Variants in SGCZ observed in about 807,000 individuals in gnomAD.
SGCZ encodes the protein sarcoglycan zeta, also known as zeta-sarcoglycan.
SGCZ carries 40 observed loss-of-function variants against 41.3 expected under a neutral mutation model. The observed-to-expected ratio is 0.97, with a 90% CI of 0.75 to 1.26. The LOEUF is 1.26. Ranked by LOEUF, SGCZ falls within the 50% of genes most tolerant of loss-of-function variation. The pLI, the probability that SGCZ is intolerant of heterozygous loss-of-function variation, is 0.00. For synonymous variants in SGCZ, 206 were observed against 137.5 expected (o/e 1.50, Z -3.49); for missense variants, 552 against 369.8 (o/e 1.49, Z -4.04).
intron 1 of SGCZ, among the ~76,000 whole-genome samples, chr8:15,232,431 T>C (rs1395847107): frequency 2.0e-5 from 3 of 152,120 alleles, no homozygotes; most frequent in African/African-American, 4.8e-5. Flanking sequence ...GTAATGACAG[T>C]AGACCACTGA....
intron 5 of SGCZ, among the ~76,000 whole-genome samples, chr8:14,119,753 T>G (rs1008192134): frequency 1.3e-5 from 2 of 152,182 alleles, no homozygotes; most frequent in Non-Finnish European, 2.9e-5. Context: ...TCTAGTTTGT[T>G]GAGAGTTTTT....
chr8:15,120,481 A>G (rs143895016), intron 1 of SGCZ, among the ~76,000 whole-genome samples: 62 of 152,328 alleles, frequency 4.1e-4, no homozygotes, highest in African/African-American at 1.4e-3. Flanking sequence ...ATTATCAAAG[A>G]TGTTTCTTTT....
At chr8:15,209,105 T>C (rs1801161239) in intron 1 of SGCZ, among the ~76,000 whole-genome samples, 1 of 55,958 alleles carries the variant, frequency 1.8e-5, no homozygotes, top group Non-Finnish European at 4.9e-5. Flanking sequence ...ATCACAAATA[T>C]CTTAGTTTTT....
chr8:14,453,371 A>G (rs1323529643), intron 2 of SGCZ, among the ~76,000 whole-genome samples: 2 of 152,168 alleles, frequency 1.3e-5, no homozygotes, highest in Non-Finnish European at 2.9e-5. Context: ...AATATTTGCA[A>G]TTGAAATAAT....
At chr8:14,814,254 T>C (rs1243012963) in intron 1 of SGCZ, among the ~76,000 whole-genome samples, 1 of 152,186 alleles carries the variant, frequency 6.6e-6, no homozygotes, top group Non-Finnish European at 1.5e-5. Context: ...TTAGGGGACC[T>C]GACTACGCCT....
chr8:14,354,328 T>C (rs1196421733), intron 2 of SGCZ, among the ~76,000 whole-genome samples: 1 of 151,888 alleles, frequency 6.6e-6, no homozygotes, highest in South Asian at 2.1e-4. Flanking sequence ...AATCTTTATA[T>C]AAATGTAATA....
At chr8:14,573,759 G>T (rs1025731825) in intron 1 of SGCZ, among the ~76,000 whole-genome samples, 1 of 152,142 alleles carries the variant, frequency 6.6e-6, no homozygotes, top group African/African-American at 2.4e-5. Context: ...TCAACGAATA[G>T]TATAAGTAGT....
At chr8:14,985,996 C>A (rs143344756) in intron 1 of SGCZ, among the ~76,000 whole-genome samples, 7 of 151,962 alleles carry the variant, frequency 4.6e-5, no homozygotes, top group Non-Finnish European at 1.0e-4. Flanking sequence ...AGTAACCACT[C>A]GTTAAATATG....
intron 5 of SGCZ, among the ~76,000 whole-genome samples, chr8:14,124,723 C>CAAAT (rs1230085689): frequency 1.3e-5 from 2 of 152,088 alleles, no homozygotes; most frequent in East Asian, 3.9e-4. Flanking sequence ...ATTTAATATT[C>CAAAT]AAATATGCTC....
chr8:15,060,990 C>T (rs1240138470), intron 1 of SGCZ, among the ~76,000 whole-genome samples: 7 of 152,082 alleles, frequency 4.6e-5, no homozygotes, highest in South Asian at 2.1e-4. Context: ...GGGTTTCCTC[C>T]CTGCCTTCTG....
intron 1 of SGCZ, among the ~76,000 whole-genome samples, chr8:15,092,717 A>C: frequency 6.6e-6 from 1 of 152,358 alleles, no homozygotes; most frequent in Admixed American, 6.5e-5. Context: ...CATATTTTAA[A>C]TATTTCACAA....
chr8:14,619,269 A>G (rs1201773050), intron 1 of SGCZ, among the ~76,000 whole-genome samples: 1 of 152,198 alleles, frequency 6.6e-6, no homozygotes, highest in Non-Finnish European at 1.5e-5. Context: ...TCAATAAATT[A>G]GGTATTGATG....
intron 1 of SGCZ, among the ~76,000 whole-genome samples, chr8:15,051,146 T>A (rs1460172774): frequency 6.6e-6 from 1 of 152,142 alleles, no homozygotes; most frequent in South Asian, 2.1e-4. Flanking sequence ...CTGCAGAAAT[T>A]CAAAGACTTC....
chr8:14,257,184 AG>A (rs1799494961), intron 3 of SGCZ, among the ~76,000 whole-genome samples: 1 of 151,920 alleles, frequency 6.6e-6, no homozygotes, highest in Admixed American at 6.6e-5. Flanking sequence ...AAAATTAGCT[AG>A]GTGTGCTGGT....
At position 14,542,554 on chromosome 8, in the gene SGCZ, G is replaced by C. The variant is rs924119583; in HGVS notation, c.234+12178C>G. On this transcript the variant is annotated intron_variant, in intron 2 of 7. Coordinates refer to ENST00000382080, the MANE Select transcript of SGCZ (RefSeq NM_139167.4). ...GGAGATTTGTCCATCCTGTTACTTA[G>C]AGCACCGAGCTATTTATACACAGAT... Among the ~76,000 whole-genome samples the C allele has an allele frequency of 2.0e-5, 3 of 152,044 alleles. 1 individual carries two copies. Among genetic ancestry groups the C allele is most frequent in the Non-Finnish European group, 4.4e-5 (3 of 68,002 alleles).
chr8:14,495,731 T>C (rs374837707), intron 2 of SGCZ, among the ~76,000 whole-genome samples: 6 of 152,168 alleles, frequency 3.9e-5, no homozygotes, highest in East Asian at 1.9e-4. Context: ...AAACAGAAAG[T>C]TACCAAAGGT....
At chr8:14,615,767 G>T (rs1173363681) in intron 1 of SGCZ, among the ~76,000 whole-genome samples, 1 of 152,090 alleles carries the variant, frequency 6.6e-6, no homozygotes. Flanking sequence ...CCTAGAGTAA[G>T]AAATACTCTG....
chr8:14,439,998 T>TA (rs979337778), intron 2 of SGCZ, among the ~76,000 whole-genome samples: 141 of 147,374 alleles, frequency 9.6e-4, no homozygotes, highest in African/African-American at 2.8e-3. Context: ...AAATTTTAAC[T>TA]AAAAAAAAAA....
intron 1 of SGCZ, among the ~76,000 whole-genome samples, chr8:14,683,717 G>C (rs527850410): frequency 6.6e-6 from 1 of 151,896 alleles, no homozygotes; most frequent in Non-Finnish European, 1.5e-5. Flanking sequence ...CTTAATTTTT[G>C]GTTTGTTTTA....
Sources: gnomAD v4.1 joint callset for allele counts (sites outside exome capture counted in the v4.1 genomes callset) on GRCh38, gnomAD v4.1.1 for gene constraint, MANE v1.5 for transcripts, NCBI Gene and HGNC (gene_info 2026-07-23, HGNC 2026-07-21) for gene names.